Variants in SMC3 observed in about 807,000 individuals in gnomAD.
The protein encoded by SMC3 is structural maintenance of chromosomes protein 3.
Under a neutral mutation model 171.8 loss-of-function variants are expected in SMC3, and 20 were observed. The observed-to-expected ratio is 0.12, with a 90% CI of 0.08 to 0.17. SMC3 has a LOEUF of 0.17. Ranked by LOEUF, SMC3 falls within the 10% of genes least tolerant of loss-of-function variation. The pLI, the probability that SMC3 is intolerant of heterozygous loss-of-function variation, is 1.00. For missense variants in SMC3, 543 were observed against 1,420.4 expected (o/e 0.38, Z 9.93); for synonymous variants, 464 against 451.1 (o/e 1.03, Z -0.36).
intron 7 of SMC3, among the ~76,000 whole-genome samples, chr10:110,580,262 G>A (rs11195195): frequency 0.11 from 17,046 of 151,974 alleles, 1,152 homozygotes; most frequent in East Asian, 0.26. Flanking sequence ...CAATCCCCAT[G>A]GAAACTGAGG....
chr10:110,596,726 A>T (rs1177354035), intron 19 of SMC3, among the ~76,000 whole-genome samples, 176 bp downstream of exon 19: 1 of 152,158 alleles, frequency 6.6e-6, no homozygotes, highest in Non-Finnish European at 1.5e-5. Context: ...TCTTTGCTTA[A>T]GTGTTAAGTA....
Position 110,604,823 on chromosome 10 carries a change from C to A in SMC3, c.*521C>A, listed in dbSNP as rs1861444665. On this transcript the variant is annotated 3_prime_UTR_variant, in exon 29 of 29. Transcript: ENST00000361804. Reference sequence around the variant, plus strand: ...TTTGGGAAGGGAAGCACAAAATCAGCCCCTACCATGGTATATTTATCATTG... The same window carrying A: ...TTTGGGAAGGGAAGCACAAAATCAGACCCTACCATGGTATATTTATCATTG... 6.6e-6 allele frequency among the ~76,000 whole-genome samples: 1 copy of A among 151,808 alleles called. No homozygotes were observed. Among genetic ancestry groups the A allele is most frequent in the Non-Finnish European group, 1.5e-5 (1 of 67,780 alleles).
At chr10:110,573,645 TA>T in intron 2 of SMC3, 61 bp from the exon 3 acceptor site, 1 of 1,132,602 alleles carries the variant, frequency 8.8e-7, no homozygotes, top group Non-Finnish European at 1.3e-6. Context: ...TTTAAAAAGG[TA>T]AACAGTTTTA....
At chr10:110,590,280 G>A in intron 15 of SMC3, 132 bp from the exon 16 acceptor site, 1 of 778,098 alleles carries the variant, frequency 1.3e-6, no homozygotes, top group East Asian at 2.7e-5. Flanking sequence ...AGGAGGTGAT[G>A]TGTTTGTTGG....
chr10:110,572,114 C>T (rs971571417), intron 2 of SMC3, among the ~76,000 whole-genome samples: 2 of 152,136 alleles, frequency 1.3e-5, no homozygotes, highest in African/African-American at 2.4e-5. Context: ...TACTCATAAA[C>T]CCTTTACCTA....
intron 23 of SMC3, 123 bp from the exon 24 acceptor site, chr10:110,601,514 C>T (rs888439712): frequency 3.6e-5 from 37 of 1,022,922 alleles, no homozygotes; most frequent in Non-Finnish European, 5.2e-5. Flanking sequence ...TAAATTTTCA[C>T]AGAAAATTTT....
intron 15 of SMC3, among the ~76,000 whole-genome samples, 167 bp from the exon 16 acceptor site, chr10:110,590,245 T>C (rs998166895): frequency 1.3e-5 from 2 of 152,206 alleles, no homozygotes; most frequent in African/African-American, 2.4e-5. Flanking sequence ...TCATATAAGG[T>C]GTTACATGTA....
chr10:110,602,215 G>C, intron 25 of SMC3, 37 bp downstream of exon 25: 1 of 1,535,220 alleles, frequency 6.5e-7, no homozygotes, highest in Non-Finnish European at 9.0e-7. Context: ...TACACACAGA[G>C]GACAAAAGCT....
intron 8 of SMC3, among the ~76,000 whole-genome samples, chr10:110,581,484 G>A (rs1419030406): frequency 6.6e-6 from 1 of 152,010 alleles, no homozygotes; most frequent in Non-Finnish European, 1.5e-5. Flanking sequence ...CTCTCAAAGT[G>A]CTGGGATTAC....
intron 11 of SMC3, 42 bp downstream of exon 11, chr10:110,583,590 T>A: frequency 6.3e-7 from 1 of 1,597,740 alleles, no homozygotes; most frequent in Non-Finnish European, 8.6e-7. Context: ...AATGTTCAGG[T>A]GAGTAGCAAC....
At chr10:110,568,379 G>T (rs1477516496) in intron 1 of SMC3, 1 of 170,432 alleles carries the variant, frequency 5.9e-6, no homozygotes, top group East Asian at 1.8e-4. Flanking sequence ...GCAGGATACG[G>T]AGCGCCGCCT....
intron 16 of SMC3, 104 bp from the exon 17 acceptor site, chr10:110,590,886 AG>A: frequency 1.0e-6 from 1 of 996,974 alleles, no homozygotes; most frequent in Middle Eastern, 2.3e-4. Context: ...GCACACCTTT[AG>A]TCCCAGCTAT....
rs1164127102 is a variant in SMC3, at chr10:110,589,785, A to G, written c.1409+77A>G. 4.2e-6 allele frequency: 6 copies of G among 1,432,916 alleles called. No homozygotes were observed. In the East Asian group the frequency reaches 1.4e-4, roughly 33 times the overall value. The allele number at this position is 1,432,916 out of a possible 1,614,324, so 88.8% of individuals were successfully genotyped here. ...GCTGTTATGTGGTCTTTAAGTTACA[A>G]GTTAACCGGTCAGGCTTGTTTTCTG... is the stretch of plus-strand genomic sequence containing the variant. On this transcript the variant is annotated intron_variant, in intron 14 of 28. Transcript: ENST00000361804.
In SMC3 at chr10:110,577,573, C is replaced by T. The variant is rs949832024; in HGVS notation, c.270+81C>T. 4 of 1,002,610 alleles carry T rather than the reference C, an allele frequency of 4.0e-6. No homozygotes were observed. The African/African-American group carries it at 4.9e-5, about 12-fold the overall frequency. 62.1% of individuals were successfully genotyped at this position (1,002,610 alleles called of 1,614,324 possible). On this transcript the variant is annotated intron_variant, in intron 5 of 28. Coordinates refer to ENST00000361804, the MANE Select transcript of SMC3 (RefSeq NM_005445.4). Reference sequence around the variant, plus strand: ...TCTTCATACTTTGAAACTTTTTAAGCTTTTATAATTTGTTATAATTACAGT... The same window carrying T: ...TCTTCATACTTTGAAACTTTTTAAGTTTTTATAATTTGTTATAATTACAGT...
rs186217179 is a variant in SMC3, at chr10:110,582,664, A to T, written c.804+22A>T. The T allele has an allele frequency of 1.1e-4, 177 of 1,561,730 alleles. 1 individual carries two copies. In the East Asian group the frequency reaches 3.2e-3, roughly 29 times the overall value. ...GGAGGTAAGATTATAAACAAGGTTC[A>T]TGTTAACTTACTTTTTACTTTTGAG... On this transcript the variant is annotated intron_variant, in intron 10 of 28. Transcript: ENST00000361804.
intron 2 of SMC3, among the ~76,000 whole-genome samples, chr10:110,570,106 T>C (rs1353061812): frequency 6.6e-6 from 1 of 152,212 alleles, no homozygotes; most frequent in African/African-American, 2.4e-5. Flanking sequence ...TAGGTTCTCG[T>C]GAGGCTCTCT....
chr10:110,567,929 C>T (rs2134705248), intron 1 of SMC3, 98 bp downstream of exon 1: 2 of 1,426,040 alleles, frequency 1.4e-6, no homozygotes, highest in South Asian at 1.2e-5. Flanking sequence ...TCCCCTGTCT[C>T]CACAGGCTGG....
chr10:110,571,663 T>C (rs1490535722), intron 2 of SMC3, among the ~76,000 whole-genome samples: 8 of 152,184 alleles, frequency 5.3e-5, no homozygotes, highest in Non-Finnish European at 1.2e-4. Context: ...AGCTTTTCCA[T>C]TGATTGGCAG....
intron 13 of SMC3, among the ~76,000 whole-genome samples, chr10:110,587,945 G>A (rs1287882407): frequency 6.6e-6 from 1 of 152,188 alleles, no homozygotes; most frequent in Non-Finnish European, 1.5e-5. Flanking sequence ...AATTCCTTAT[G>A]TGTAGAATTA....
Sources: allele counts gnomAD v4.1 joint callset (sites outside exome capture counted in the v4.1 genomes callset), GRCh38; gene constraint gnomAD v4.1.1; transcripts MANE v1.5; gene names NCBI Gene and HGNC (gene_info 2026-07-23, HGNC 2026-07-21).